Variants in CDH16 observed in about 807,000 individuals in gnomAD.
CDH16 encodes cadherin 16, also known as cadherin-16.
In CDH16, 79 loss-of-function variants were observed where a neutral mutation model predicts 87.6. The ratio of observed to expected loss-of-function variants is 0.90; its 90% confidence interval spans 0.75 to 1.09. The LOEUF is 1.09. CDH16 is among the 50% of genes least tolerant of loss of function. The pLI is 0.00. For synonymous variants in CDH16, 457 were observed against 439.5 expected (o/e 1.04, Z -0.50); for missense variants, 1,124 against 1,071.7 (o/e 1.05, Z -0.68).
intron 6 of CDH16, 54 bp downstream of exon 6, chr16:66,915,166 C>A (rs1297794384): frequency 4.6e-6 from 7 of 1,516,042 alleles, no homozygotes; most frequent in Admixed American, 3.9e-5. Context: ...TCAGATACCA[C>A]CTTCTCCAGC....
intron 17 of CDH16, 31 bp from the exon 18 acceptor site, chr16:66,908,520 T>A: frequency 6.5e-7 from 1 of 1,545,026 alleles, no homozygotes. Flanking sequence ...GTATCAGGCC[T>A]CAGAAGGGGC....
chr16:66,910,546 G>A (rs1962367569), intron 14 of CDH16, 44 bp from the exon 15 acceptor site: 2 of 1,460,200 alleles, frequency 1.4e-6, no homozygotes, highest in Admixed American at 2.5e-5. Context: ...TTGCCAGGGG[G>A]AGGGTGAGCT....
At position 66,912,289 on chromosome 16, in the gene CDH16, G is replaced by A. The variant is rs200694058; in HGVS notation, c.1501C>T (p.Leu501=). 2.4e-4 allele frequency: 393 copies of A among 1,613,890 alleles called. 5 individuals are homozygous for A. The South Asian group carries it at 3.9e-3, about 16-fold the overall frequency. The change falls in exon 12 of 18, where the codon CTG becomes TTG. Residue 501 remains leucine (L), a synonymous_variant. Transcript: ENST00000299752. ...TGCCCAGAGTCTGGCTCCCAATCCA[G>A]GCCAAAAGTCCCTTCTGTGTCTCCC... The part of the protein sequence containing the change: ...ERGDTEGTFG[L]DWEPDSGHVR...
Position 66,910,018 on chromosome 16 carries a change from T to C in CDH16, c.2243A>G (p.His748Arg), listed in dbSNP as rs777659908. 1.9e-6 allele frequency: 3 copies of C among 1,611,874 alleles called. No homozygotes were observed. In the African/African-American group the frequency reaches 4.0e-5, roughly 22 times the overall value. ...REHIIPVVVSHNAQMWQLLVR... is the reference protein window; with the variant it reads ...REHIIPVVVSRNAQMWQLLVR... Reference sequence around the variant, plus strand: ...CAGGAGCTGCCACATCTGGGCATTGTGGCTGACCACCACGGGGATTATGTG... The same window carrying C: ...CAGGAGCTGCCACATCTGGGCATTGCGGCTGACCACCACGGGGATTATGTG... Residue 748 changes from histidine to arginine, a missense_variant, in exon 16 of 18, where the codon CAC (histidine) becomes CGC (arginine). Transcript: ENST00000299752.
chr16:66,917,880 G>A (rs2271025), intron 2 of CDH16, 141 bp downstream of exon 2: 115,573 of 957,006 alleles, frequency 0.12, 11,427 homozygotes, highest in African/African-American at 0.4. Context: ...ATCCCACAGT[G>A]GCTCTATAGT....
chr16:66,910,495 C>T lies in CDH16; in HGVS notation c.1932G>A (p.Pro644=), dbSNP rs759390448. The T allele has an allele frequency of 2.2e-5, 34 of 1,519,962 alleles. No homozygotes were observed. In the East Asian group the frequency reaches 3.0e-4, roughly 13 times the overall value. The allele number at this position is 1,519,962 out of a possible 1,614,324, so 94.2% of individuals were successfully genotyped here. The change falls in exon 15 of 18, where the codon CCG becomes CCA. Residue 644 remains proline, a synonymous_variant. Transcript: ENST00000299752. The stretch of plus-strand genomic sequence containing the variant: ...CCAGGGGTGCAGAAGCGCTCAGTCT[C>T]GGCTCATCTGCAGAGGAGGCAGTGC... ...VLVEAQDTDE[P]RLSASAPLVI... is the part of the protein sequence containing the mutation.
chr16:66,911,050 C>A, intron 14 of CDH16, 132 bp downstream of exon 14: 2 of 837,730 alleles, frequency 2.4e-6, no homozygotes, highest in Non-Finnish European at 3.6e-6. Context: ...TTGAACCCAG[C>A]TTCATATCTG....
At chr16:66,915,701 T>C (rs986924483) in intron 5 of CDH16, among the ~76,000 whole-genome samples, 14 of 152,176 alleles carry the variant, frequency 9.2e-5, no homozygotes, top group Non-Finnish European at 1.5e-4. Context: ...GAGACCAGCC[T>C]GGCCAACAAG....
rs776664434 is a variant in CDH16, at chr16:66,912,002, T to TG, written c.1686dup (p.Lys563GlnfsTer41). 4 of 1,613,898 alleles carry TG rather than the reference T, an allele frequency of 2.5e-6. No individual in the cohort carries two copies. The highest frequency in any genetic ancestry group is 2.2e-5 in the East Asian group (1 of 44,872). On this transcript the variant is annotated frameshift_variant, in exon 13 of 18. Transcript: ENST00000299752. LOFTEE classifies it high-confidence loss of function. Reference sequence around the variant, plus strand: ...GCCTCGTAGCTCTCCTGGTCCAACTTGGGGGGTGGCATCACTCTCTCCACT... The same window carrying TG: ...GCCTCGTAGCTCTCCTGGTCCAACTTGGGGGGGTGGCATCACTCTCTCCACT...
rs1962354963 is a variant in CDH16 at position 66,910,344 on chromosome 16, G to A, written c.2083C>T (p.Leu695=). The A allele has an allele frequency of 6.2e-7, 1 of 1,613,912 alleles. No homozygotes were observed. The highest frequency in any genetic ancestry group is 2.2e-5 in the East Asian group (1 of 44,882). The change falls in exon 15 of 18, where the codon CTG becomes TTG. Residue 695 remains leucine (L), a synonymous_variant. Coordinates refer to ENST00000299752, the MANE Select transcript of CDH16 (RefSeq NM_004062.4). ...IVSGPSKDPD[L]ASGHGPYSFT... is the part of the protein sequence containing the mutation. ...CTGTAGGGACCGTGCCCACTGGCCA[G>A]ATCGGGGTCCTTGCTGGGTCCACTC...
At position 66,916,283 on chromosome 16, in the gene CDH16, G is replaced by A. The variant is rs1962681617; in HGVS notation, c.276C>T (p.Tyr92=). The A allele has an allele frequency of 6.2e-7, 1 of 1,613,744 alleles. No homozygotes were observed. Among genetic ancestry groups the A allele is most frequent in the African/African-American group, 1.3e-5 (1 of 75,054 alleles). The change falls in exon 4 of 18, where the codon TAC becomes TAT. Residue 92 remains tyrosine, a synonymous_variant. Coordinates refer to ENST00000299752, the MANE Select transcript of CDH16 (RefSeq NM_004062.4). This position sits in a 1 kb window ranked among gnomAD's most constrained non-coding sequence, Gnocchi z 4.1. ...CCTGGCCCAGCCATACCTGTAGCTG[G>A]TACTCTGCCTGCTCCTCTCGGTCCA... ...RALDREEQAE[Y]QLQVTLEMQD... is the part of the protein sequence containing the mutation.
rs1181113318 is a variant in CDH16 at position 66,908,159 on chromosome 16, TTTATTATTGGGCAAACAC to T, written c.*215_*232del. On this transcript the variant is annotated 3_prime_UTR_variant, in exon 18 of 18. Transcript: ENST00000299752. The stretch of plus-strand genomic sequence containing the variant: ...AGGGCCCAGCCCAGTTCTCTGGGGC[TTTATTATTGGGCAAACAC>T]CCTGACATTTGGAGCACTCCCATGG... 2 of 561,734 alleles carry T rather than the reference TTTATTATTGGGCAAACAC, an allele frequency of 3.6e-6. No individual in the cohort carries two copies. The highest frequency in any genetic ancestry group is 6.4e-6 in the Non-Finnish European group (2 of 313,856). The allele number at this position is 561,734 out of a possible 1,614,324, so 34.8% of individuals were successfully genotyped here. A position where few individuals can be genotyped will look rare whatever the true frequency, so the allele number is the denominator to read the frequency against.
chr16:66,912,941 C>T, intron 9 of CDH16, 50 bp from the exon 10 acceptor site: 1 of 1,528,574 alleles, frequency 6.5e-7, no homozygotes, highest in Non-Finnish European at 9.0e-7. Context: ...GCCTGGAGAC[C>T]TTACCCCACC....
At chr16:66,913,333 T>A in intron 8 of CDH16, 52 bp from the exon 9 acceptor site, 1 of 1,549,782 alleles carries the variant, frequency 6.5e-7, no homozygotes, top group Middle Eastern at 1.8e-4. Context: ...AGCTCCAGCC[T>A]TGCCTGGCTC....
rs112552212 is a variant in CDH16, at chr16:66,912,991, C to CGTGTGTGTGTGTGTGT, written c.1055-116_1055-101dup. On this transcript the variant is annotated intron_variant, in intron 9 of 17. Coordinates refer to ENST00000299752, the MANE Select transcript of CDH16 (RefSeq NM_004062.4). ...TGCCAAACTAAACTGAATTTGAGCT[C>CGTGTGTGTGTGTGTGT]GTGTGTGTGTGTGTGTGTGTGTGTG... 3.0e-6 allele frequency: 3 copies of CGTGTGTGTGTGTGTGT among 1,016,748 alleles called. No homozygotes were observed. The African/African-American group carries it at 4.9e-5, about 17-fold the overall frequency. 63.0% of individuals were successfully genotyped at this position (1,016,748 alleles called of 1,614,324 possible).
In CDH16 at chr16:66,915,334, C is replaced by T; in HGVS notation, c.469G>A (p.Gly157Ser). 1 of 1,614,004 alleles carries T rather than the reference C, an allele frequency of 6.2e-7. No individual in the cohort carries two copies. Among genetic ancestry groups the T allele is most frequent in the Non-Finnish European group, 8.5e-7 (1 of 1,179,992 alleles). Reference protein sequence around the residue: ...FLEASDRDEPGTANSDLRFHI... With the variant: ...FLEASDRDEPSTANSDLRFHI... ...AATCGAAGATCCGAGTTGGCTGTGC[C>T]TGGCTCATCCCGGTCTGAAGCCTCA... Residue 157 changes from glycine (G) to serine (S), a missense_variant, in exon 6 of 18, where the codon GGC becomes AGC. Transcript: ENST00000299752.
At chr16:66,911,482 T>TGTG (rs879195602) in intron 13 of CDH16, among the ~76,000 whole-genome samples, 167 bp from the exon 14 acceptor site, 3 of 152,122 alleles carry the variant, frequency 2.0e-5, no homozygotes, top group East Asian at 3.9e-4. Flanking sequence ...CAGGATTTGT[T>TGTG]GTGGTGGTGG....
In CDH16 at chr16:66,909,494, T is replaced by C; in HGVS notation, c.2276-111A>G. 1 of 711,658 alleles carries C rather than the reference T, an allele frequency of 1.4e-6. No homozygotes were observed. Among genetic ancestry groups the C allele is most frequent in the East Asian group, 2.7e-5 (1 of 36,946 alleles). The allele number at this position is 711,658 out of a possible 1,614,324, so 44.1% of individuals were successfully genotyped here. On this transcript the variant is annotated intron_variant, in intron 16 of 17. Transcript: ENST00000299752. This position sits in a 1 kb window ranked among gnomAD's most constrained non-coding sequence, Gnocchi z 4.1. Reference sequence around the variant, plus strand: ...ATGTGTGTGTTTCTGCACATGTGTGTATTCACATGTGTGTGAAGATATATG... The same window carrying C: ...ATGTGTGTGTTTCTGCACATGTGTGCATTCACATGTGTGTGAAGATATATG...
At chr16:66,915,468 C>T in intron 5 of CDH16, 90 bp from the exon 6 acceptor site, 2 of 1,404,552 alleles carry the variant, frequency 1.4e-6, no homozygotes, top group South Asian at 1.3e-5. Flanking sequence ...GTCCTTTCTT[C>T]CCTATCCATT....
Sources: gnomAD v4.1 joint callset for allele counts (sites outside exome capture counted in the v4.1 genomes callset) on GRCh38, gnomAD v4.1.1 for gene constraint, Gnocchi (gnomAD v3.1) non-coding constraint, MANE v1.5 for transcripts, NCBI Gene and HGNC (gene_info 2026-07-23, HGNC 2026-07-21) for gene names.